The following BIRC2 variants were observed in gnomAD, a reference collection of about 807,000 sequenced individuals.
BIRC2 encodes baculoviral IAP repeat containing 2.
A neutral mutation model predicts 60.9 loss-of-function variants in BIRC2; 18 were observed. That is an observed-to-expected ratio of 0.30 (90% confidence interval 0.20 to 0.44). The LOEUF (loss-of-function observed/expected upper bound fraction) is 0.44, where lower values mean the gene tolerates loss of function less well. BIRC2 is among the 20% of genes least tolerant of loss of function. BIRC2 has a pLI of 1.00. For synonymous variants in BIRC2, 282 were observed against 247.7 expected, an observed-to-expected ratio of 1.14 and a Z score of -1.30; for missense variants, 701 against 728.5, an observed-to-expected ratio of 0.96 and a Z score of 0.43.
At chr11:102,376,754 A>C (rs1951719196) in intron 6 of BIRC2, among the ~76,000 whole-genome samples, 1 of 152,254 alleles carries the variant, frequency 6.6e-6, no homozygotes, top group Non-Finnish European at 1.5e-5. Flanking sequence ...TAATAATGGT[A>C]GTTAACTATG....
intron 6 of BIRC2, among the ~76,000 whole-genome samples, chr11:102,369,263 A>G (rs1329609902): frequency 1.4e-5 from 2 of 146,442 alleles, no homozygotes; most frequent in Admixed American, 1.4e-4. Context: ...CGCTGCACCC[A>G]CTAACTCATC....
chr11:102,360,094 G>A (rs954829815), intron 3 of BIRC2, among the ~76,000 whole-genome samples: 2 of 151,748 alleles, frequency 1.3e-5, no homozygotes, highest in Admixed American at 6.6e-5. Flanking sequence ...AGCCTCCCAC[G>A]TAGCTGGGAC....
intron 5 of BIRC2, among the ~76,000 whole-genome samples, chr11:102,367,885 G>GA (rs1267707419): frequency 6.6e-6 from 1 of 152,108 alleles, no homozygotes; most frequent in Non-Finnish European, 1.5e-5. Flanking sequence ...AAACTCTAAT[G>GA]CGCCACTTTT....
intron 3 of BIRC2, among the ~76,000 whole-genome samples, chr11:102,357,322 C>A (rs1051992678): frequency 6.6e-6 from 1 of 151,302 alleles, no homozygotes; most frequent in South Asian, 2.1e-4. Flanking sequence ...TCTTCTTCCT[C>A]CTTCTTTCCT....
rs1951348299 is a variant in BIRC2 at position 102,350,622 on chromosome 11, T to G, written c.768T>G (p.Thr256=). ...CATTTTTGGAAAATTCTCTAGAAAC[T>G]CTGAGGTTTAGCATTTCAAATCTGA... The part of the protein sequence containing the change: ...NCPFLENSLE[T]LRFSISNLSM... The change falls in exon 2 of 9, where the codon ACT becomes ACG. Residue 256 remains threonine, a synonymous_variant. Transcript: ENST00000227758. The G allele has an allele frequency of 6.2e-7, 1 of 1,614,002 alleles. No individual in the cohort carries two copies. The highest frequency in any genetic ancestry group is 8.5e-7 in the Non-Finnish European group (1 of 1,180,032).
At chr11:102,364,717 A>G (rs370904100) in intron 5 of BIRC2, among the ~76,000 whole-genome samples, 4 of 152,206 alleles carry the variant, frequency 2.6e-5, no homozygotes, top group African/African-American at 9.6e-5. Flanking sequence ...ACCAAGATGT[A>G]TGAGTCTTAG....
intron 3 of BIRC2, 74 bp downstream of exon 3, chr11:102,351,017 GTTTACC>G: frequency 2.9e-6 from 4 of 1,385,742 alleles, no homozygotes; most frequent in Non-Finnish European, 3.0e-6. Context: ...ACATGATTTT[GTTTACC>G]TTTAAATTAT....
chr11:102,349,862 A>C lies in BIRC2; in HGVS notation c.8A>C (p.Lys3Thr). The C allele has an allele frequency of 6.2e-7, 1 of 1,602,730 alleles. No homozygotes were observed. Among genetic ancestry groups the C allele is most frequent in the East Asian group, 2.2e-5 (1 of 44,808 alleles). Residue 3 changes from lysine to threonine, a missense_variant, in exon 2 of 9, where the codon AAA becomes ACA. Physicochemically the swap from Lys to Thr is moderately conservative, Grantham distance 78. Coordinates refer to ENST00000227758, the MANE Select transcript of BIRC2 (RefSeq NM_001166.5). The stretch of plus-strand genomic sequence containing the variant: ...CAGTACTGTCACCTACTCATGCACA[A>C]AACTGCCTCCCAAAGACTTTTCCCA... MHKTASQRLFPGP... is the reference protein window; with the variant it reads MHTTASQRLFPGP...
Position 102,350,464 on chromosome 11 carries a change from T to A in BIRC2, c.610T>A (p.Leu204Met). The A allele has an allele frequency of 6.2e-7, 1 of 1,614,212 alleles. No individual in the cohort carries two copies. The highest frequency in any genetic ancestry group is 8.5e-7 in the Non-Finnish European group (1 of 1,180,036). ...WPLTFLSPSE[L>M]ARAGFYYIGP... Reference sequence around the variant, plus strand: ...ATTAACTTTTTTGTCACCATCAGAATTGGCAAGAGCTGGTTTTTATTATAT... The same window carrying A: ...ATTAACTTTTTTGTCACCATCAGAAATGGCAAGAGCTGGTTTTTATTATAT... The change falls in exon 2 of 9, where the codon TTG (leucine) becomes ATG (methionine). Residue 204 changes from leucine (L) to methionine (M), a missense_variant. Leu to Met is a conservative substitution (Grantham distance 15). Transcript: ENST00000227758.
intron 3 of BIRC2, among the ~76,000 whole-genome samples, chr11:102,360,047 A>G (rs1201590493): frequency 6.6e-6 from 1 of 150,424 alleles, no homozygotes; most frequent in South Asian, 2.1e-4. Context: ...GCTCACTGCA[A>G]CCTCCACCTC....
chr11:102,366,654 C>G (rs1438288064), intron 5 of BIRC2, among the ~76,000 whole-genome samples: 2 of 152,122 alleles, frequency 1.3e-5, no homozygotes, highest in African/African-American at 4.8e-5. Context: ...CAGGCATGAG[C>G]CACCATGCCC....
intron 5 of BIRC2, among the ~76,000 whole-genome samples, chr11:102,365,848 C>G (rs1256677534): frequency 6.6e-6 from 1 of 152,190 alleles, no homozygotes; most frequent in East Asian, 1.9e-4. Flanking sequence ...CTGCCTCGGC[C>G]TCCCATAGTG....
intron 5 of BIRC2, among the ~76,000 whole-genome samples, chr11:102,366,353 T>A (rs1486942749): frequency 3.3e-5 from 5 of 151,762 alleles, no homozygotes; most frequent in Admixed American, 2.6e-4. Context: ...TCTGACTACA[T>A]CTCACCATCT....
chr11:102,364,162 TATATATATATATACAC>T (rs1289590388), intron 5 of BIRC2, among the ~76,000 whole-genome samples: 4,478 of 92,700 alleles, frequency 0.048, 140 homozygotes, highest in Non-Finnish European at 0.059. Context: ...TATATATATA[TATATATATATATACAC>T]ACACACACAG....
In BIRC2 at chr11:102,365,483, C is replaced by G. The variant is rs190789238; in HGVS notation, c.1123+1767C>G. On this transcript the variant is annotated intron_variant, in intron 5 of 8. Coordinates refer to ENST00000227758, the MANE Select transcript of BIRC2 (RefSeq NM_001166.5). ...ATTCTTTCACTTGTTCTGCTAGAAA[C>G]TGTTCTTGTCATGGTAACCAGGGAC... 1.4e-3 allele frequency among the ~76,000 whole-genome samples: 219 copies of G among 152,316 alleles called. 1 individual carries two copies. The highest frequency in any genetic ancestry group is 1.8e-3 in the Non-Finnish European group (120 of 68,028).
At chr11:102,376,226 T>C (rs1477747314) in intron 6 of BIRC2, among the ~76,000 whole-genome samples, 1 of 152,150 alleles carries the variant, frequency 6.6e-6, no homozygotes, top group East Asian at 1.9e-4. Flanking sequence ...GGTGCTAATA[T>C]AGAGAACTTC....
rs34510872 is a variant in BIRC2 at position 102,377,646 on chromosome 11, C to G, written c.1517C>G (p.Ala506Gly). ...CAAAAAACACAGATACCTTTACAAG[C>G]GAGAGAACTGATTGATACCATTTTG... is the stretch of plus-strand genomic sequence containing the variant. The part of the protein sequence containing the change: ...IKQKTQIPLQ[A>G]RELIDTILVK... Residue 506 changes from alanine to glycine, a missense_variant, in exon 7 of 9, where the codon GCG (alanine) becomes GGG (glycine). Transcript: ENST00000227758. The G allele has an allele frequency of 6.2e-7, 1 of 1,610,622 alleles. No individual in the cohort carries two copies. Among genetic ancestry groups the G allele is most frequent in the Non-Finnish European group, 8.5e-7 (1 of 1,179,034 alleles).
chr11:102,363,240 T>C (rs1951505984), intron 4 of BIRC2, among the ~76,000 whole-genome samples: 1 of 152,232 alleles, frequency 6.6e-6, no homozygotes, highest in Non-Finnish European at 1.5e-5. Flanking sequence ...AAAGATTGTT[T>C]TTTTGTTTTT....
chr11:102,371,913 G>C (rs1002837185), intron 6 of BIRC2, among the ~76,000 whole-genome samples: 2 of 152,204 alleles, frequency 1.3e-5, no homozygotes, highest in Middle Eastern at 3.4e-3. Context: ...TATGTGTTGA[G>C]GAATTTATCC....
Sources: allele counts gnomAD v4.1 joint callset (sites outside exome capture counted in the v4.1 genomes callset), GRCh38; gene constraint gnomAD v4.1.1; transcripts MANE v1.5; gene names NCBI Gene and HGNC (gene_info 2026-07-23, HGNC 2026-07-21).